EPSTI1: variants seen among roughly 807,000 people sequenced by gnomAD.
EPSTI1 encodes epithelial-stromal interaction protein 1.
Under a neutral mutation model 49.9 loss-of-function variants are expected in EPSTI1, and 66 were observed. The observed-to-expected ratio is 1.32, with a 90% CI of 1.08 to 1.62. EPSTI1 has a LOEUF of 1.62. EPSTI1 is among the 40% of genes most tolerant of loss of function. The probability of loss-of-function intolerance (pLI) is 0.00; values close to 1 mark genes in which losing one functional copy is unlikely to be tolerated. For synonymous variants in EPSTI1, 137 were observed against 130.7 expected, an observed-to-expected ratio of 1.05 and a Z score of -0.33; for missense variants, 394 against 365.5, an observed-to-expected ratio of 1.08 and a Z score of -0.64.
At chr13:42,976,339 A>G (rs1478092356) in intron 1 of EPSTI1, among the ~76,000 whole-genome samples, 2 of 152,238 alleles carry the variant, frequency 1.3e-5, no homozygotes, top group Non-Finnish European at 2.9e-5. Flanking sequence ...TCCTGGGAGA[A>G]CAAACCTTAT....
chr13:42,917,543 T>C lies in EPSTI1; in HGVS notation c.739A>G (p.Lys247Glu), dbSNP rs541981219. 2.5e-6 allele frequency: 4 copies of C among 1,612,968 alleles called. No homozygotes were observed. The East Asian group carries it at 6.7e-5, about 27-fold the overall frequency. Residue 247 changes from lysine (K) to glutamate (E), a missense_variant and splice_region_variant, in exon 8 of 11, where the codon AAG (lysine) becomes GAG (glutamate). Physicochemically the swap from Lys to Glu is moderately conservative, Grantham distance 56. Coordinates refer to ENST00000313624, the MANE Select transcript of EPSTI1 (RefSeq NM_033255.5). Reference protein sequence around the residue: ...LQKMKDEQHQKSELLELKRQQ... With the variant: ...LQKMKDEQHQESELLELKRQQ... ...AACTAGTAGGGGCTTGTAAGTACCTTTTGATGTTGTTCATCCTTCATCTTT... is the reference window on the plus strand; with the variant it reads ...AACTAGTAGGGGCTTGTAAGTACCTCTTGATGTTGTTCATCCTTCATCTTT...
chr13:42,919,523 T>TA (rs1405495243), intron 7 of EPSTI1, among the ~76,000 whole-genome samples: 1 of 152,242 alleles, frequency 6.6e-6, no homozygotes, highest in African/African-American at 2.4e-5. Flanking sequence ...GCTATGCTTA[T>TA]AATGTACTCA....
chr13:42,895,053 C>T lies in EPSTI1; in HGVS notation c.871G>A (p.Glu291Lys), dbSNP rs148470040. Reference sequence around the variant, plus strand: ...ATATTCCAACAGCCTCCAGATTGCTCGAGGCCACCTGGTTGACTTTTGCCT... The same window carrying T: ...ATATTCCAACAGCCTCCAGATTGCTTGAGGCCACCTGGTTGACTTTTGCCT... ...LQGKSQPGGL[E>K]QSGGCWNMNS... Residue 291 changes from glutamate to lysine, a missense_variant, in exon 10 of 11, where the codon GAG (glutamate) becomes AAG (lysine). Physicochemically the swap from Glu to Lys is moderately conservative, Grantham distance 56. Coordinates refer to ENST00000313624, the MANE Select transcript of EPSTI1 (RefSeq NM_033255.5). The T allele has an allele frequency of 1.3e-5, 21 of 1,613,484 alleles. No homozygotes were observed. The highest frequency in any genetic ancestry group is 4.4e-5 in the South Asian group (4 of 90,926).
At chr13:42,964,951 C>G (rs929820685) in intron 3 of EPSTI1, among the ~76,000 whole-genome samples, 2 of 152,198 alleles carry the variant, frequency 1.3e-5, no homozygotes, top group African/African-American at 2.4e-5. Flanking sequence ...AAGATTCACT[C>G]TCACAGAAGA....
chr13:42,949,825 A>G (rs2039042406), intron 6 of EPSTI1, among the ~76,000 whole-genome samples: 1 of 152,096 alleles, frequency 6.6e-6, no homozygotes, highest in Admixed American at 6.6e-5. Flanking sequence ...CTCATCCAAA[A>G]AAACACAATT....
chr13:42,931,556 C>T (rs577315995), intron 6 of EPSTI1, among the ~76,000 whole-genome samples: 8 of 152,232 alleles, frequency 5.3e-5, no homozygotes, highest in Non-Finnish European at 8.8e-5. Context: ...ACTCAAACAT[C>T]AGCCCTGGAT....
At chr13:42,905,111 C>G (rs944374772) in intron 8 of EPSTI1, among the ~76,000 whole-genome samples, 1 of 151,926 alleles carries the variant, frequency 6.6e-6, no homozygotes, top group South Asian at 2.1e-4. Context: ...ATTTTTAACA[C>G]AGAGAGATAT....
chr13:42,963,456 T>C (rs2039518175), intron 4 of EPSTI1, 118 bp from the exon 5 acceptor site: 1 of 723,664 alleles, frequency 1.4e-6, no homozygotes, highest in East Asian at 2.7e-5. Flanking sequence ...TACCTCACCA[T>C]GATTATAGGT....
chr13:42,924,386 C>T (rs1289312748), intron 7 of EPSTI1, among the ~76,000 whole-genome samples: 3 of 152,152 alleles, frequency 2.0e-5, no homozygotes, highest in African/African-American at 4.8e-5. Context: ...GGAAACATTG[C>T]TAATGCTTTG....
chr13:42,963,962 G>A, intron 4 of EPSTI1, 104 bp downstream of exon 4: 1 of 998,844 alleles, frequency 1.0e-6, no homozygotes, highest in Non-Finnish European at 1.4e-6. Flanking sequence ...CTGGTTGGAA[G>A]GTTTTATACT....
At chr13:42,956,186 C>A (rs2039265885) in intron 5 of EPSTI1, among the ~76,000 whole-genome samples, 1 of 152,122 alleles carries the variant, frequency 6.6e-6, no homozygotes, top group African/African-American at 2.4e-5. Flanking sequence ...TAACTCAATG[C>A]CTACTTAATG....
At chr13:42,972,289 G>C (rs1003427966) in intron 1 of EPSTI1, among the ~76,000 whole-genome samples, 1 of 152,134 alleles carries the variant, frequency 6.6e-6, no homozygotes, top group South Asian at 2.1e-4. Context: ...GGGCTTGTCC[G>C]CGAGCTTGAG....
intron 6 of EPSTI1, among the ~76,000 whole-genome samples, chr13:42,926,975 A>G (rs2153421814): frequency 7.2e-6 from 1 of 138,414 alleles, no homozygotes; most frequent in South Asian, 2.5e-4. Flanking sequence ...AGCAAAAGTG[A>G]ACCCTCTGTT....
At chr13:42,981,576 G>A (rs866196581) in intron 1 of EPSTI1, among the ~76,000 whole-genome samples, 10 of 152,302 alleles carry the variant, frequency 6.6e-5, no homozygotes, top group South Asian at 2.1e-4. Context: ...GGAATCCAGT[G>A]CAGAAAAGTT....
intron 2 of EPSTI1, 56 bp from the exon 3 acceptor site, chr13:42,969,233 A>G: frequency 6.5e-7 from 1 of 1,539,414 alleles, no homozygotes; most frequent in Non-Finnish European, 8.9e-7. Context: ...AAAGAAAACC[A>G]GTCCCTTCAA....
At chr13:42,983,033 C>A (rs1261150068) in intron 1 of EPSTI1, among the ~76,000 whole-genome samples, 1 of 152,194 alleles carries the variant, frequency 6.6e-6, no homozygotes, top group Admixed American at 6.5e-5. Flanking sequence ...ACACAGTTTT[C>A]CCTGGTTCTT....
At chr13:42,926,476 C>T (rs1372570350) in intron 6 of EPSTI1, 47 bp from the exon 7 acceptor site, 2 of 1,024,338 alleles carry the variant, frequency 2.0e-6, no homozygotes, top group South Asian at 1.3e-5. Flanking sequence ...AAAATATGAA[C>T]ATAATTCTTT....
chr13:42,927,252 C>A (rs183839997), intron 6 of EPSTI1, among the ~76,000 whole-genome samples: 228 of 152,330 alleles, frequency 1.5e-3, no homozygotes, highest in African/African-American at 5.3e-3. Context: ...AAGCATAGAA[C>A]ACTGGAATTG....
chr13:42,909,510 A>T (rs2037602570), intron 8 of EPSTI1, among the ~76,000 whole-genome samples: 1 of 152,212 alleles, frequency 6.6e-6, no homozygotes, highest in Non-Finnish European at 1.5e-5. Flanking sequence ...AGTACTGTTC[A>T]CAATAGCCAA....
Sources: gnomAD v4.1 joint callset for allele counts (sites outside exome capture counted in the v4.1 genomes callset) on GRCh38, gnomAD v4.1.1 for gene constraint, MANE v1.5 for transcripts, NCBI Gene and HGNC (gene_info 2026-07-23, HGNC 2026-07-21) for gene names.